MCTP1: variants seen among roughly 807,000 people sequenced by gnomAD.
MCTP1 encodes the protein multiple C2 and transmembrane domain-containing protein 1.
MCTP1 carries 69 observed loss-of-function variants against 120.6 expected under a neutral mutation model. That is an observed-to-expected ratio of 0.57 (90% CI 0.47 to 0.70). The LOEUF is 0.70. Among genes scored for constraint, MCTP1 ranks in the 30% least tolerant of loss-of-function variants. MCTP1 has a pLI of 0.00. For missense variants in MCTP1, 1,203 were observed against 1,248.8 expected (o/e 0.96, Z 0.55); for synonymous variants, 529 against 493.1 (o/e 1.07, Z -0.96).
At chr5:95,100,122 G>A (rs1756612644) in intron 1 of MCTP1, among the ~76,000 whole-genome samples, 1 of 129,666 alleles carries the variant, frequency 7.7e-6, no homozygotes, top group African/African-American at 2.9e-5. Context: ...GGGGACTGTT[G>A]TGGGGTGGGG....
chr5:94,713,837 C>T (rs774273110), intron 20 of MCTP1, among the ~76,000 whole-genome samples: 5 of 152,130 alleles, frequency 3.3e-5, no homozygotes, highest in Non-Finnish European at 7.4e-5. Context: ...ATGACTCACA[C>T]CTTTAGTTTA....
At chr5:95,091,226 C>T (rs950140291) in intron 1 of MCTP1, among the ~76,000 whole-genome samples, 1 of 152,156 alleles carries the variant, frequency 6.6e-6, no homozygotes, top group Non-Finnish European at 1.5e-5. Flanking sequence ...AATTGTTCTC[C>T]GAGGCTTTCC....
intron 17 of MCTP1, among the ~76,000 whole-genome samples, chr5:94,806,874 G>A (rs1374534581): frequency 6.6e-6 from 1 of 152,168 alleles, no homozygotes; most frequent in Non-Finnish European, 1.5e-5. Context: ...TCTTCAGAAA[G>A]AAGTGAAGAA....
intron 17 of MCTP1, among the ~76,000 whole-genome samples, chr5:94,864,613 A>G (rs796791552): frequency 6.6e-6 from 1 of 151,942 alleles, no homozygotes; most frequent in Non-Finnish European, 1.5e-5. Context: ...AATGTGTAAA[A>G]TATCAAATGT....
chr5:95,080,137 C>T (rs1322046944), intron 1 of MCTP1, among the ~76,000 whole-genome samples: 1 of 152,132 alleles, frequency 6.6e-6, no homozygotes, highest in African/African-American at 2.4e-5. Context: ...AACAATCTAC[C>T]ACACCACCTC....
intron 1 of MCTP1, among the ~76,000 whole-genome samples, chr5:95,260,294 C>T (rs542583489): frequency 5.9e-5 from 9 of 152,192 alleles, no homozygotes; most frequent in South Asian, 4.2e-4. Context: ...AGTGCTGATT[C>T]GGAGAAATCT....
At chr5:94,913,797 T>G (rs1809403067) in intron 8 of MCTP1, among the ~76,000 whole-genome samples, 1 of 152,132 alleles carries the variant, frequency 6.6e-6, no homozygotes, top group Non-Finnish European at 1.5e-5. Flanking sequence ...CTCAAACTCC[T>G]GGGCTCAAGT....
chr5:95,164,209 G>T (rs1176720387), intron 1 of MCTP1, among the ~76,000 whole-genome samples: 1 of 152,028 alleles, frequency 6.6e-6, no homozygotes, highest in East Asian at 1.9e-4. Flanking sequence ...ATTGAAGTGG[G>T]AGCATTATTT....
chr5:94,829,001 C>A (rs1787883665), intron 17 of MCTP1, among the ~76,000 whole-genome samples: 1 of 103,504 alleles, frequency 9.7e-6, no homozygotes. Flanking sequence ...AAAAAACAAA[C>A]AAACAACAAC....
At chr5:94,986,875 C>T (rs185914636) in intron 2 of MCTP1, among the ~76,000 whole-genome samples, 5 of 152,110 alleles carry the variant, frequency 3.3e-5, no homozygotes, top group Non-Finnish European at 7.4e-5. Context: ...CCTTGGTATC[C>T]TCAAGGGACT....
rs958745431 is a variant in MCTP1 at position 94,831,932 on chromosome 5, G to A, written c.2437-32800C>T. Among the ~76,000 whole-genome samples the A allele has an allele frequency of 1.3e-4, 20 of 152,238 alleles. No individual in the cohort carries two copies. The East Asian group carries it at 2.3e-3, about 18-fold the overall frequency. On this transcript the variant is annotated intron_variant, in intron 17 of 22. Transcript: ENST00000515393. ...AAAAGATGAGATGAAATCTGTTAAC[G>A]CTAATAATATTCAGGCTAGAGAGGA...
At chr5:95,238,841 A>G (rs1755846288) in intron 1 of MCTP1, among the ~76,000 whole-genome samples, 2 of 152,164 alleles carry the variant, frequency 1.3e-5, no homozygotes, top group Non-Finnish European at 2.9e-5. Flanking sequence ...ACCAGCATAC[A>G]TACACAAGCA....
intron 1 of MCTP1, among the ~76,000 whole-genome samples, chr5:95,050,578 A>T (rs1476700182): frequency 2.6e-5 from 4 of 152,240 alleles, no homozygotes; most frequent in African/African-American, 9.6e-5. Context: ...ATTTTAACCC[A>T]GGTATCATAG....
intron 4 of MCTP1, among the ~76,000 whole-genome samples, chr5:94,940,586 G>GTA (rs1172044491): frequency 3.4e-4 from 39 of 113,292 alleles, no homozygotes; most frequent in East Asian, 3.1e-3. Flanking sequence ...ACATATATAT[G>GTA]TATATATATA....
At position 95,245,848 on chromosome 5, in the gene MCTP1, G is replaced by C. The variant is rs145009852; in HGVS notation, c.720+38008C>G. On this transcript the variant is annotated intron_variant, in intron 1 of 22. Coordinates refer to ENST00000515393, the MANE Select transcript of MCTP1 (RefSeq NM_024717.7). ...CAGAAAACACCACAAAGATACTCCT[G>C]GAGAAGAGCAACCCCAAGACACATA... Among the ~76,000 whole-genome samples the C allele has an allele frequency of 7.2e-3, 1,100 of 152,148 alleles. 12 individuals are homozygous for C. The highest frequency in any genetic ancestry group is 0.03 in the South Asian group (144 of 4,820).
At chr5:95,180,323 A>G (rs538389833) in intron 1 of MCTP1, among the ~76,000 whole-genome samples, 6 of 152,360 alleles carry the variant, frequency 3.9e-5, no homozygotes, top group Non-Finnish European at 8.8e-5. Flanking sequence ...TCTGCCTCCA[A>G]ACATTCCAGT....
intron 17 of MCTP1, among the ~76,000 whole-genome samples, chr5:94,809,112 C>T (rs898596144): frequency 6.6e-6 from 1 of 152,026 alleles, no homozygotes; most frequent in African/African-American, 2.4e-5. Context: ...AGAATCTCCA[C>T]AACAAAATGG....
At chr5:95,197,205 G>A (rs1047774005) in intron 1 of MCTP1, among the ~76,000 whole-genome samples, 1 of 152,096 alleles carries the variant, frequency 6.6e-6, no homozygotes, top group Non-Finnish European at 1.5e-5. Context: ...ATTAAACTGA[G>A]CAAAAACAAG....
intron 17 of MCTP1, among the ~76,000 whole-genome samples, chr5:94,819,253 A>G (rs1785144439): frequency 6.6e-6 from 1 of 151,904 alleles, no homozygotes; most frequent in Admixed American, 6.6e-5. Flanking sequence ...CTCGGCTCCC[A>G]TGAGGAGCTA....
Sources: gnomAD v4.1 joint callset for allele counts (sites outside exome capture counted in the v4.1 genomes callset) on GRCh38, gnomAD v4.1.1 for gene constraint, MANE v1.5 for transcripts, NCBI Gene and HGNC (gene_info 2026-07-23, HGNC 2026-07-21) for gene names.